The following BRD4 variants were observed in gnomAD, a reference collection of about 807,000 sequenced individuals.
BRD4 encodes the protein bromodomain-containing protein 4.
BRD4 carries 16 observed loss-of-function variants against 142.1 expected under a neutral mutation model. The observed-to-expected ratio is 0.11, with a 90% confidence interval of 0.08 to 0.17. BRD4 has a LOEUF of 0.17. BRD4 is among the 10% of genes least tolerant of loss of function. BRD4 has a pLI of 1.00. For missense variants in BRD4, 1,424 were observed against 1,810.9 expected (o/e 0.79, Z 3.88); for synonymous variants, 833 against 707.5 (o/e 1.18, Z -2.82).
chr19:15,262,992 A>G (rs1269748407), intron 7 of BRD4, among the ~76,000 whole-genome samples: 1 of 152,166 alleles, frequency 6.6e-6, no homozygotes, highest in Non-Finnish European at 1.5e-5. Flanking sequence ...GGCCATGTGG[A>G]AACAACCACT....
intron 1 of BRD4, among the ~76,000 whole-genome samples, chr19:15,308,874 G>C (rs1468463510): frequency 1.3e-5 from 2 of 151,612 alleles, no homozygotes; most frequent in Non-Finnish European, 2.9e-5. Context: ...AATTAGCCGG[G>C]CATGGTGGCA....
chr19:15,243,156 C>T lies in BRD4; in HGVS notation c.2913G>A (p.Gln971=), dbSNP rs746395414. 227 of 766,740 alleles carry T rather than the reference C, an allele frequency of 3.0e-4. No individual in the cohort carries two copies. Among genetic ancestry groups the T allele is most frequent in the Non-Finnish European group, 3.7e-4 (205 of 547,058 alleles). The allele number at this position is 766,740 out of a possible 1,614,324, so 47.5% of individuals were successfully genotyped here. The change falls in exon 14 of 20, where the codon CAG becomes CAA. Residue 971 remains glutamine, a synonymous_variant. Transcript: ENST00000679869. ...GTGGTGGGGGTGGTGGCGGCTGCTGCTGCAGCTGCTGCTGCACAGAGGGGT... is the reference window on the plus strand; with the variant it reads ...GTGGTGGGGGTGGTGGCGGCTGCTGTTGCAGCTGCTGCTGCACAGAGGGGT... The part of the protein sequence containing the change: ...PPHPSVQQQL[Q]QQPPPPPPPQ...
intron 1 of BRD4, among the ~76,000 whole-genome samples, chr19:15,276,115 C>G (rs1296554838): frequency 1.3e-5 from 2 of 152,208 alleles, no homozygotes; most frequent in Admixed American, 1.3e-4. Flanking sequence ...CCTCAAGGGA[C>G]CACACTGACC....
At chr19:15,245,548 A>G (rs777586366) in intron 11 of BRD4, among the ~76,000 whole-genome samples, 37 of 152,252 alleles carry the variant, frequency 2.4e-4, no homozygotes, top group Non-Finnish European at 4.7e-4. Context: ...AGTAGGGTGG[A>G]TGGGTCCAGG....
intron 1 of BRD4, among the ~76,000 whole-genome samples, 160 bp downstream of exon 1, chr19:15,332,130 C>A (rs2048166800): frequency 6.8e-6 from 1 of 146,406 alleles, no homozygotes; most frequent in Non-Finnish European, 1.5e-5. Context: ...CCCGCAGGCC[C>A]GAGCCCGCGT....
chr19:15,264,926 T>C (rs147636233), intron 5 of BRD4, among the ~76,000 whole-genome samples, 160 bp from the exon 6 acceptor site: 1 of 152,272 alleles, frequency 6.6e-6, no homozygotes, highest in Non-Finnish European at 1.5e-5. Flanking sequence ...GACAGGCAGA[T>C]CGTGTCCCAC....
chr19:15,249,319 G>A (rs2145539500), intron 11 of BRD4: 2 of 1,613,904 alleles, frequency 1.2e-6, no homozygotes. Flanking sequence ...AAACCAGTGT[G>A]AGAGAAATGG....
intron 11 of BRD4, chr19:15,253,914 C>T (rs568499197): frequency 1.2e-6 from 1 of 827,834 alleles, no homozygotes; most frequent in African/African-American, 1.7e-5. Flanking sequence ...TCCTCCATGA[C>T]CAGACCCTGG....
At chr19:15,279,499 C>T (rs1443139822) in intron 1 of BRD4, among the ~76,000 whole-genome samples, 1 of 152,188 alleles carries the variant, frequency 6.6e-6, no homozygotes, top group Non-Finnish European at 1.5e-5. Context: ...TAGCTCCTAT[C>T]CTTCAAAGGG....
chr19:15,255,574 G>C lies in BRD4; in HGVS notation c.1770C>G (p.Pro590=). Residue 590 remains proline, a synonymous_variant, in exon 10 of 20, where the codon CCC becomes CCG. Coordinates refer to ENST00000679869, the MANE Select transcript of BRD4 (RefSeq NM_001379291.1). ...NSNVSKKEPA[P]MKSKPPPTYE... The stretch of plus-strand genomic sequence containing the variant: ...ACGTGGGAGGGGGCTTGCTCTTCAT[G>C]GGCGCTGGCTCCTTCTTGCTACGAA... 6.2e-7 allele frequency: 1 copy of C among 1,607,314 alleles called. No homozygotes were observed. The highest frequency in any genetic ancestry group is 1.1e-5 in the South Asian group (1 of 90,960).
chr19:15,276,810 G>T (rs1418361504), intron 1 of BRD4, among the ~76,000 whole-genome samples: 1 of 152,188 alleles, frequency 6.6e-6, no homozygotes, highest in East Asian at 1.9e-4. Flanking sequence ...CTCAGCGGTT[G>T]ACATGGCATT....
Position 15,236,576 on chromosome 19 carries a change from G to C in BRD4, c.*1801C>G, listed in dbSNP as rs1471714707. ...AAGAATACTGTCTGGAGTCTGGCCA[G>C]GGTTCTGCTAGAGCACACCCTCCAC... On this transcript the variant is annotated 3_prime_UTR_variant, in exon 20 of 20. Transcript: ENST00000679869. 6.5e-6 allele frequency: 1 copy of C among 153,884 alleles called. No homozygotes were observed. The highest frequency in any genetic ancestry group is 1.4e-5 in the Non-Finnish European group (1 of 69,130). The allele number at this position is 153,884 out of a possible 1,614,324, so 9.5% of individuals were successfully genotyped here.
chr19:15,251,208 C>T (rs1175692893), intron 11 of BRD4, among the ~76,000 whole-genome samples: 2 of 152,078 alleles, frequency 1.3e-5, no homozygotes, highest in Non-Finnish European at 2.9e-5. Flanking sequence ...AGCCTGGCCC[C>T]AGAGGACCAC....
chr19:15,323,177 TTAAAAAAA>T (rs2048078672), intron 1 of BRD4, among the ~76,000 whole-genome samples: 1 of 32,234 alleles, frequency 3.1e-5, no homozygotes, highest in African/African-American at 3.2e-4. Flanking sequence ...CTCCATCTCT[TTAAAAAAA>T]AAAAAAAAAA....
intron 3 of BRD4, 49 bp downstream of exon 3, chr19:15,268,856 T>G (rs1297920738): frequency 6.2e-7 from 1 of 1,605,684 alleles, no homozygotes; most frequent in South Asian, 1.1e-5. Context: ...TGCCGTCGCC[T>G]CCCCTCCTCT....
At chr19:15,271,466 T>C (rs1041487049) in intron 2 of BRD4, among the ~76,000 whole-genome samples, 8 of 152,214 alleles carry the variant, frequency 5.3e-5, no homozygotes, top group African/African-American at 1.9e-4. Context: ...TGTTGGAATC[T>C]GGGGAAATGC....
rs771075810 is a variant in BRD4, at chr19:15,239,460, G to T, written c.3508C>A (p.Pro1170Thr). 1.2e-6 allele frequency: 2 copies of T among 1,614,122 alleles called. No individual in the cohort carries two copies. The highest frequency in any genetic ancestry group is 3.3e-5 in the Admixed American group (2 of 60,026). ...TCCTTGTCAGGGGCCCCTGGTGGCG[G>T]TGCGTTCTGCTCTGGGGGCCGGATC... Reference protein sequence around the residue: ...PVIRPPEQNAPPPGAPDKDKQ... With the variant: ...PVIRPPEQNATPPGAPDKDKQ... Residue 1170 changes from proline (P) to threonine (T), a missense_variant, in exon 17 of 20, where the codon CCG becomes ACG. Physicochemically the swap from Pro to Thr is conservative, Grantham distance 38. Transcript: ENST00000679869. The surrounding 1 kb of genome is among the most constrained non-coding windows in gnomAD (Gnocchi z 7.4).
chr19:15,271,802 G>C (rs1038541963), intron 2 of BRD4, among the ~76,000 whole-genome samples: 2 of 151,254 alleles, frequency 1.3e-5, no homozygotes, highest in East Asian at 3.9e-4. Flanking sequence ...ATCTTCCCCC[G>C]AGTGCTTGAC....
intron 8 of BRD4, 59 bp downstream of exon 8, chr19:15,256,905 G>A (rs1311774034): frequency 1.4e-6 from 2 of 1,443,898 alleles, no homozygotes; most frequent in Non-Finnish European, 1.9e-6. Context: ...AAACTTCTGG[G>A]GAGGCCACCC....
Sources: gnomAD v4.1 joint callset for allele counts (sites outside exome capture counted in the v4.1 genomes callset) on GRCh38, gnomAD v4.1.1 for gene constraint, Gnocchi (gnomAD v3.1) non-coding constraint, MANE v1.5 for transcripts, NCBI Gene and HGNC (gene_info 2026-07-23, HGNC 2026-07-21) for gene names.